PIGK: variants seen among roughly 807,000 people sequenced by gnomAD.
PIGK encodes the protein GPI-anchor transamidase.
PIGK carries 42 observed loss-of-function variants against 50.6 expected under a neutral mutation model. That is an observed-to-expected ratio of 0.83 (90% CI 0.65 to 1.07). The LOEUF is 1.07. Among genes scored for constraint, PIGK ranks in the 50% least tolerant of loss-of-function variants. PIGK has a pLI of 0.00. For synonymous variants in PIGK, 151 were observed against 156.0 expected, an observed-to-expected ratio of 0.97 and a Z score of 0.24; for missense variants, 448 against 488.7, an observed-to-expected ratio of 0.92 and a Z score of 0.78.
At chr1:77,149,004 C>G (rs553920674) in intron 9 of PIGK, among the ~76,000 whole-genome samples, 1 of 152,030 alleles carries the variant, frequency 6.6e-6, no homozygotes, top group Admixed American at 6.6e-5. Context: ...CGTGAGCCAC[C>G]ACGCCCAGCC....
chr1:77,137,716 G>T (rs1447019180), intron 9 of PIGK, among the ~76,000 whole-genome samples: 1 of 152,092 alleles, frequency 6.6e-6, no homozygotes, highest in Non-Finnish European at 1.5e-5. Context: ...CAATCCTCCT[G>T]CCTCAGCCTC....
intron 3 of PIGK, among the ~76,000 whole-genome samples, chr1:77,177,608 C>T (rs1425650517): frequency 6.6e-6 from 1 of 152,112 alleles, no homozygotes; most frequent in Non-Finnish European, 1.5e-5. Context: ...AATCTCTGTT[C>T]GAGGCTCTCA....
intron 1 of PIGK, among the ~76,000 whole-genome samples, chr1:77,210,918 A>G (rs887577742): frequency 2.0e-5 from 3 of 152,040 alleles, no homozygotes; most frequent in African/African-American, 7.2e-5. Flanking sequence ...ATGAAAGCAT[A>G]CTTACTATAT....
At position 77,136,665 on chromosome 1, in the gene PIGK, G is replaced by T. The variant is rs367613779; in HGVS notation, c.987-14306C>A. ...TTAGGGAGTTCTAAAATGTTCACAT[G>T]AAGTATATACTCCCTGTATTGTGCT... On this transcript the variant is annotated intron_variant, in intron 9 of 10. Transcript: ENST00000370812. Among the ~76,000 whole-genome samples the T allele has an allele frequency of 1.0e-3, 153 of 151,578 alleles. 2 individuals are homozygous for T. The highest frequency in any genetic ancestry group is 3.5e-3 in the African/African-American group (144 of 41,354).
chr1:77,130,971 G>A (rs1261845886), intron 9 of PIGK, among the ~76,000 whole-genome samples: 6 of 151,978 alleles, frequency 3.9e-5, no homozygotes, highest in African/African-American at 1.2e-4. Context: ...TTAAATACTG[G>A]AAGTTTAAGA....
At chr1:77,218,308 CAG>C (rs1393185799) in intron 1 of PIGK, among the ~76,000 whole-genome samples, 1 of 152,158 alleles carries the variant, frequency 6.6e-6, no homozygotes, top group Non-Finnish European at 1.5e-5. Context: ...GCACCAAACT[CAG>C]GGAGTATGGA....
chr1:77,206,519 C>G, intron 3 of PIGK, 121 bp downstream of exon 3: 2 of 628,092 alleles, frequency 3.2e-6, no homozygotes, highest in Non-Finnish European at 5.6e-6. Context: ...AACAAAAAAT[C>G]TTCAAATCAG....
intron 3 of PIGK, among the ~76,000 whole-genome samples, chr1:77,187,663 G>A (rs929311529): frequency 6.6e-6 from 1 of 152,128 alleles, no homozygotes; most frequent in African/African-American, 2.4e-5. Context: ...ATCCATTAGG[G>A]CATTTCTTAG....
At chr1:77,190,937 G>C (rs1275441447) in intron 3 of PIGK, among the ~76,000 whole-genome samples, 1 of 152,118 alleles carries the variant, frequency 6.6e-6, no homozygotes, top group African/African-American at 2.4e-5. Context: ...CCAATAGCAG[G>C]AGAGGGGGCA....
At chr1:77,136,536 CAAAAAAAAAA>C (rs778130093) in intron 9 of PIGK, among the ~76,000 whole-genome samples, 101 of 63,662 alleles carry the variant, frequency 1.6e-3, no homozygotes, top group African/African-American at 5.8e-3. Context: ...GACTCCGTCT[CAAAAAAAAAA>C]AAAAAAAAAA....
intron 9 of PIGK, among the ~76,000 whole-genome samples, chr1:77,146,913 G>A (rs1384099109): frequency 6.6e-6 from 1 of 152,120 alleles, no homozygotes; most frequent in Non-Finnish European, 1.5e-5. Context: ...AGGGTACAGT[G>A]AGCTATGACT....
intron 3 of PIGK, among the ~76,000 whole-genome samples, chr1:77,182,318 G>A (rs79965743): frequency 0.015 from 2,320 of 152,246 alleles, 54 homozygotes; most frequent in African/African-American, 0.053. Flanking sequence ...AGTATTGGAG[G>A]CTAGGCCAAG....
chr1:77,196,587 T>C (rs1656043377), intron 3 of PIGK, among the ~76,000 whole-genome samples: 2 of 152,154 alleles, frequency 1.3e-5, no homozygotes, highest in East Asian at 3.8e-4. Context: ...GAGCACCTTT[T>C]CATGTTTTTT....
intron 10 of PIGK, among the ~76,000 whole-genome samples, chr1:77,109,608 TC>T: frequency 6.6e-6 from 1 of 152,310 alleles, no homozygotes; most frequent in South Asian, 2.1e-4. Context: ...TGGGATGTTA[TC>T]TCAAAATAAT....
intron 9 of PIGK, among the ~76,000 whole-genome samples, chr1:77,131,541 A>T (rs1166161356): frequency 6.6e-6 from 1 of 152,082 alleles, no homozygotes; most frequent in Non-Finnish European, 1.5e-5. Context: ...CTTTAGACAC[A>T]TTCCCTTTAT....
chr1:77,103,111 G>A (rs1047767431), intron 10 of PIGK, among the ~76,000 whole-genome samples: 1 of 152,098 alleles, frequency 6.6e-6, no homozygotes, highest in African/African-American at 2.4e-5. Flanking sequence ...TACTTTGTAA[G>A]TAATACTGAG....
intron 10 of PIGK, among the ~76,000 whole-genome samples, chr1:77,121,255 T>C (rs1345959273): frequency 6.6e-6 from 1 of 152,190 alleles, no homozygotes; most frequent in Admixed American, 6.5e-5. Context: ...TTAGGTCATT[T>C]AAGCTCTGAC....
chr1:77,217,347 G>T (rs754645798), intron 1 of PIGK, among the ~76,000 whole-genome samples: 1 of 152,136 alleles, frequency 6.6e-6, no homozygotes, highest in Non-Finnish European at 1.5e-5. Context: ...AAGAAAAGAG[G>T]AAATACAATT....
intron 10 of PIGK, among the ~76,000 whole-genome samples, chr1:77,099,541 G>C (rs1653495885): frequency 1.3e-5 from 2 of 152,078 alleles, no homozygotes; most frequent in South Asian, 4.2e-4. Flanking sequence ...TTAAGAAAAA[G>C]TAACCCGGAT....
Sources: allele counts gnomAD v4.1 joint callset (sites outside exome capture counted in the v4.1 genomes callset), GRCh38; gene constraint gnomAD v4.1.1; transcripts MANE v1.5; gene names NCBI Gene and HGNC (gene_info 2026-07-23, HGNC 2026-07-21).